ANO1: variants seen among roughly 807,000 people sequenced by gnomAD.
The protein encoded by ANO1 is anoctamin-1.
In ANO1, 59 loss-of-function variants were observed where a neutral mutation model predicts 124.0. That is an observed-to-expected ratio of 0.48 (90% CI 0.39 to 0.59). The LOEUF (loss-of-function observed/expected upper bound fraction) is 0.59, where lower values mean the gene tolerates loss of function less well. ANO1 is among the 20% of genes least tolerant of loss of function. The probability of loss-of-function intolerance (pLI) is 0.00; values close to 1 mark genes in which losing one functional copy is unlikely to be tolerated. For missense variants in ANO1, 1,059 were observed against 1,328.0 expected (o/e 0.80, Z 3.15); for synonymous variants, 529 against 532.0 (o/e 0.99, Z 0.08).
chr11:70,151,072 G>T (rs544968610), intron 12 of ANO1, among the ~76,000 whole-genome samples: 18 of 152,184 alleles, frequency 1.2e-4, no homozygotes, highest in Non-Finnish European at 2.6e-4. Context: ...ATCCAGATTC[G>T]GCACCAGCCT....
rs147878819 is a variant in ANO1 at position 70,164,902 on chromosome 11, C to G, written c.1951-568C>G. Among the ~76,000 whole-genome samples, 1,376 of 152,266 alleles carry G rather than the reference C, an allele frequency of 9.0e-3. 20 individuals are homozygous for G. The highest frequency in any genetic ancestry group is 0.032 in the African/African-American group (1,325 of 41,532). On this transcript the variant is annotated intron_variant, in intron 19 of 25. Transcript: ENST00000355303. ...CACCCCTGCTTACTCCCTCCCAGTG[C>G]GCTCCCCGCTCCCATCCACAGCCCC...
the ANO1 span, among the ~76,000 whole-genome samples, chr11:69,975,972 C>T: frequency 5.9e-5 from 9 of 152,158 alleles, no homozygotes; most frequent in Non-Finnish European, 1.3e-4. Context: ...CTGTCCTCTG[C>T]GCCCTGGGGT....
chr11:70,112,731 G>A (rs2045835630), intron 7 of ANO1, among the ~76,000 whole-genome samples: 1 of 151,928 alleles, frequency 6.6e-6, no homozygotes, highest in Non-Finnish European at 1.5e-5. Context: ...CTAATTGTTT[G>A]TATTGTTAGT....
intron 1 of ANO1, among the ~76,000 whole-genome samples, chr11:70,079,992 G>A (rs960146016): frequency 1.3e-5 from 2 of 152,232 alleles, no homozygotes; most frequent in Admixed American, 6.5e-5. Flanking sequence ...AGGACTGGCC[G>A]GAGGAGCTCA....
At chr11:70,150,290 G>A (rs1344100829) in intron 12 of ANO1, among the ~76,000 whole-genome samples, 1 of 152,214 alleles carries the variant, frequency 6.6e-6, no homozygotes, top group Non-Finnish European at 1.5e-5. Flanking sequence ...TACTAACATA[G>A]AGGGAAAGCC....
chr11:70,111,651 A>G (rs949378879), intron 6 of ANO1, 56 bp from the exon 7 acceptor site: 55 of 1,567,404 alleles, frequency 3.5e-5, no homozygotes, highest in Middle Eastern at 1.7e-4. Context: ...TGACTTTACA[A>G]TGGGAAGCGG....
intron 1 of ANO1, among the ~76,000 whole-genome samples, chr11:70,035,295 G>A (rs1857075494): frequency 6.6e-6 from 1 of 152,320 alleles, no homozygotes; most frequent in Non-Finnish European, 1.5e-5. Context: ...GAGTGTGTTG[G>A]GAGAAGACTC....
At chr11:70,181,453 G>A (rs1324100235) in intron 23 of ANO1, among the ~76,000 whole-genome samples, 1 of 152,234 alleles carries the variant, frequency 6.6e-6, no homozygotes, top group Non-Finnish European at 1.5e-5. Context: ...CAGGCAGAGT[G>A]TGCACACCGG....
At chr11:70,147,252 C>T (rs1183994723) in intron 11 of ANO1, among the ~76,000 whole-genome samples, 2 of 152,192 alleles carry the variant, frequency 1.3e-5, no homozygotes, top group African/African-American at 4.8e-5. Context: ...CAGGCAGAGA[C>T]CAGGGAATGG....
Position 70,156,985 on chromosome 11 carries a change from A to T in ANO1, c.1542A>T (p.Pro514=), listed in dbSNP as rs911018461. 6.2e-7 allele frequency: 1 copy of T among 1,613,656 alleles called. No homozygotes were observed. Among genetic ancestry groups the T allele is most frequent in the Non-Finnish European group, 8.5e-7 (1 of 1,179,842 alleles). ...KVKLTWRDRF[P]AYLTNLVSII... is the part of the protein sequence containing the mutation. ...AGCTGACATGGAGAGATCGGTTCCCAGCCTACCTCACTAACTTGGTCTCCA... is the reference window on the plus strand; with the variant it reads ...AGCTGACATGGAGAGATCGGTTCCCTGCCTACCTCACTAACTTGGTCTCCA... Residue 514 remains proline, a synonymous_variant, in exon 16 of 26, where the codon CCA becomes CCT. Coordinates refer to ENST00000355303, the MANE Select transcript of ANO1 (RefSeq NM_018043.7).
chr11:70,038,832 C>T (rs903424309), intron 1 of ANO1, among the ~76,000 whole-genome samples: 11 of 152,132 alleles, frequency 7.2e-5, no homozygotes, highest in Non-Finnish European at 1.0e-4. Flanking sequence ...GGTCAGTTCT[C>T]GAAGGGAATG....
chr11:70,168,779 G>T lies in ANO1; in HGVS notation c.2197+1392G>T, dbSNP rs570412545. On this transcript the variant is annotated intron_variant, in intron 21 of 25. Coordinates refer to ENST00000355303, the MANE Select transcript of ANO1 (RefSeq NM_018043.7). ...CCTGGGGGTAAGGGCACCTTAGAGG[G>T]TGGGGAGCGTTTCTGTTTAATTTCA... is the stretch of plus-strand genomic sequence containing the variant. 2.2e-4 allele frequency among the ~76,000 whole-genome samples: 34 copies of T among 152,290 alleles called. No individual in the cohort carries two copies. In the South Asian group the frequency reaches 6.0e-3, roughly 27 times the overall value.
the ANO1 span, among the ~76,000 whole-genome samples, chr11:69,978,796 A>G: frequency 6.6e-6 from 1 of 152,206 alleles, no homozygotes; most frequent in African/African-American, 2.4e-5. Flanking sequence ...CCATGTGAGG[A>G]GAAAACCCCT....
chr11:70,128,647 C>G (rs1307322903), intron 10 of ANO1, among the ~76,000 whole-genome samples: 1 of 152,244 alleles, frequency 6.6e-6, no homozygotes, highest in African/African-American at 2.4e-5. Context: ...TGCGTGCTCC[C>G]TGCAGCTTCC....
At chr11:70,104,317 A>G (rs1365408446) in intron 4 of ANO1, among the ~76,000 whole-genome samples, 167 bp downstream of exon 4, 2 of 152,146 alleles carry the variant, frequency 1.3e-5, no homozygotes, top group African/African-American at 4.8e-5. Flanking sequence ...GATTTCTAAG[A>G]TCACCGTTAA....
chr11:70,035,023 G>A (rs1354221547), intron 1 of ANO1, among the ~76,000 whole-genome samples: 2 of 151,942 alleles, frequency 1.3e-5, no homozygotes, highest in Non-Finnish European at 2.9e-5. Context: ...TATGTTGGGG[G>A]ACCCCATGGG....
chr11:70,142,602 G>A (rs1402560654), intron 11 of ANO1, among the ~76,000 whole-genome samples: 1 of 152,086 alleles, frequency 6.6e-6, no homozygotes, highest in Non-Finnish European at 1.5e-5. Context: ...AGCAAACATT[G>A]CACTTCTCGG....
At chr11:70,153,955 G>A (rs941852698) in intron 14 of ANO1, among the ~76,000 whole-genome samples, 3 of 152,022 alleles carry the variant, frequency 2.0e-5, no homozygotes, top group Non-Finnish European at 2.9e-5. Flanking sequence ...TAGTAGAGAC[G>A]GGGTTTCACT....
At chr11:69,980,169 C>A in the ANO1 span, among the ~76,000 whole-genome samples, 2 of 152,044 alleles carry the variant, frequency 1.3e-5, no homozygotes, top group African/African-American at 2.4e-5. Flanking sequence ...GAGGCCAGTC[C>A]CAAAAAGATA....
Sources: gnomAD v4.1 joint callset for allele counts (sites outside exome capture counted in the v4.1 genomes callset) on GRCh38, gnomAD v4.1.1 for gene constraint, MANE v1.5 for transcripts, NCBI Gene and HGNC (gene_info 2026-07-23, HGNC 2026-07-21) for gene names.